Variants in TTC7B observed in about 807,000 individuals in gnomAD.
TTC7B encodes tetratricopeptide repeat domain 7B.
Under a neutral mutation model 106.8 loss-of-function variants are expected in TTC7B, and 28 were observed. The ratio of observed to expected loss-of-function variants is 0.26; its 90% CI spans 0.19 to 0.36. The LOEUF (loss-of-function observed/expected upper bound fraction) is 0.36, where lower values mean the gene tolerates loss of function less well. Ranked by LOEUF, TTC7B falls within the 10% of genes least tolerant of loss-of-function variation. The pLI is 1.00. For missense variants in TTC7B, 862 were observed against 1,076.4 expected (o/e 0.80, Z 2.79); for synonymous variants, 405 against 430.6 (o/e 0.94, Z 0.74).
chr14:90,787,273 T>C (rs1011001080), intron 1 of TTC7B, among the ~76,000 whole-genome samples: 19 of 152,302 alleles, frequency 1.2e-4, no homozygotes, highest in Non-Finnish European at 2.6e-4. Flanking sequence ...TTAATTCAAA[T>C]GAAAAGTTCA....
intron 2 of TTC7B, among the ~76,000 whole-genome samples, chr14:90,782,936 T>G (rs1891267421): frequency 6.6e-6 from 1 of 151,930 alleles, no homozygotes; most frequent in South Asian, 2.1e-4. Flanking sequence ...ATGTATATTT[T>G]ACCAAAAGGG....
chr14:90,601,842 G>C (rs754942485), intron 17 of TTC7B, among the ~76,000 whole-genome samples: 3 of 152,202 alleles, frequency 2.0e-5, no homozygotes, highest in Non-Finnish European at 4.4e-5. Context: ...GGTGTACATA[G>C]AATAACTATG....
intron 19 of TTC7B, among the ~76,000 whole-genome samples, chr14:90,557,153 A>AGGTGG (rs1890348572): frequency 6.6e-6 from 1 of 152,148 alleles, no homozygotes; most frequent in Non-Finnish European, 1.5e-5. Flanking sequence ...ACCTGTCCTC[A>AGGTGG]GGTGGGGTGG....
At chr14:90,633,691 C>A (rs1021566753) in intron 15 of TTC7B, among the ~76,000 whole-genome samples, 1 of 152,078 alleles carries the variant, frequency 6.6e-6, no homozygotes, top group Non-Finnish European at 1.5e-5. Context: ...TACCTTCTAC[C>A]TTTTTGGGCC....
Position 90,561,970 on chromosome 14 carries a change from C to T in TTC7B, c.2310+16136G>A, listed in dbSNP as rs546106377. Among the ~76,000 whole-genome samples, 17 of 152,342 alleles carry T rather than the reference C, an allele frequency of 1.1e-4. No individual in the cohort carries two copies. The East Asian group carries it at 2.5e-3, about 22-fold the overall frequency. On this transcript the variant is annotated intron_variant, in intron 19 of 19. Transcript: ENST00000328459. ...CCTCATTTCCCTCCTGCTCCCCAAA[C>T]GTGGGTGCTCCTTGGGTTCTGTCCT... is the stretch of plus-strand genomic sequence containing the variant.
chr14:90,681,056 T>C lies in TTC7B; in HGVS notation c.951-521A>G, dbSNP rs1273034588. On this transcript the variant is annotated intron_variant, in intron 7 of 19. Transcript: ENST00000328459. ...TTATTTAGACACATAAGTTTTATTA[T>C]GGGGTAGCATGCAAGAGCTCTTATT... Among the ~76,000 whole-genome samples the C allele has an allele frequency of 2.6e-5, 4 of 152,246 alleles. No individual in the cohort carries two copies. The East Asian group carries it at 5.8e-4, about 22-fold the overall frequency.
intron 16 of TTC7B, among the ~76,000 whole-genome samples, chr14:90,616,204 G>A (rs947484705): frequency 2.6e-5 from 4 of 152,136 alleles, no homozygotes; most frequent in Non-Finnish European, 4.4e-5. Context: ...CTCCGGCGCC[G>A]AGGCAACCTG....
chr14:90,605,786 T>G (rs2139835866), intron 17 of TTC7B: 1 of 1,208,188 alleles, frequency 8.3e-7, no homozygotes, highest in Non-Finnish European at 1.0e-6. Context: ...AAAAAAAGGG[T>G]GAAGGCAAAA....
chr14:90,810,947 G>T (rs185925110), intron 1 of TTC7B, among the ~76,000 whole-genome samples: 1 of 152,312 alleles, frequency 6.6e-6, no homozygotes, highest in Non-Finnish European at 1.5e-5. Flanking sequence ...GCCGAGGGAA[G>T]TCGGGGGAAT....
At chr14:90,559,898 T>A (rs1023746124) in intron 19 of TTC7B, among the ~76,000 whole-genome samples, 1 of 152,180 alleles carries the variant, frequency 6.6e-6, no homozygotes, top group Non-Finnish European at 1.5e-5. Context: ...AACAAGGGGC[T>A]CTTTTGCTCC....
At chr14:90,761,780 T>C (rs1349705331) in intron 3 of TTC7B, among the ~76,000 whole-genome samples, 1 of 152,156 alleles carries the variant, frequency 6.6e-6, no homozygotes, top group Non-Finnish European at 1.5e-5. Flanking sequence ...CACCTTCCCA[T>C]ACCAACTCCC....
intron 3 of TTC7B, among the ~76,000 whole-genome samples, chr14:90,763,631 T>C (rs1478585511): frequency 6.6e-6 from 1 of 152,046 alleles, no homozygotes; most frequent in Admixed American, 6.6e-5. Flanking sequence ...ACAAAAACAA[T>C]ATAATAGCTA....
At chr14:90,763,914 A>C (rs1037767446) in intron 3 of TTC7B, among the ~76,000 whole-genome samples, 1 of 152,230 alleles carries the variant, frequency 6.6e-6, no homozygotes, top group Admixed American at 6.5e-5. Flanking sequence ...TTCCCAAATC[A>C]ATCTACAGAT....
intron 5 of TTC7B, among the ~76,000 whole-genome samples, chr14:90,712,213 G>A (rs28871708): frequency 0.011 from 1,749 of 152,254 alleles, 25 homozygotes; most frequent in African/African-American, 0.041. Context: ...AAGACTGAAT[G>A]CTTTCTAAGA....
chr14:90,801,342 C>T (rs913825663), intron 1 of TTC7B, among the ~76,000 whole-genome samples: 1 of 152,070 alleles, frequency 6.6e-6, no homozygotes, highest in African/African-American at 2.4e-5. Context: ...ACCACTGACA[C>T]TTGAACTTCG....
rs908690080 is a variant in TTC7B, at chr14:90,805,555, C to T, written c.121+10620G>A. Among the ~76,000 whole-genome samples the T allele has an allele frequency of 6.6e-6, 1 of 152,148 alleles. No homozygotes were observed. Among genetic ancestry groups the T allele is most frequent in the African/African-American group, 2.4e-5 (1 of 41,424 alleles). ...TGCTGGGATTGCAGGCATGAGCCAC[C>T]GCGCCCGGCCTAAACCTCACCTCTA... On this transcript the variant is annotated intron_variant, in intron 1 of 19. Transcript: ENST00000328459. The surrounding 1 kb of genome is among the most constrained non-coding windows in gnomAD (Gnocchi z 4.0).
rs551262190 is a variant in TTC7B, at chr14:90,629,859, C to T, written c.1752-11814G>A. Among the ~76,000 whole-genome samples, 4 of 152,284 alleles carry T rather than the reference C, an allele frequency of 2.6e-5. No individual in the cohort carries two copies. In the South Asian group the frequency reaches 8.3e-4, roughly 32 times the overall value. The stretch of plus-strand genomic sequence containing the variant: ...AGCCAGTGCTCTCTCCTGTGGCTGA[C>T]AGGGAGGCTGGGATGCCCTGAAGGC... On this transcript the variant is annotated intron_variant, in intron 15 of 19. Transcript: ENST00000328459.
chr14:90,644,649 AT>A, intron 14 of TTC7B: 1 of 154,614 alleles, frequency 6.5e-6, no homozygotes, highest in Non-Finnish European at 1.4e-5. Context: ...AACTGTTCTC[AT>A]TTTTTCAAGT....
chr14:90,769,201 T>G (rs1003287695), intron 3 of TTC7B, among the ~76,000 whole-genome samples: 1 of 151,914 alleles, frequency 6.6e-6, no homozygotes, highest in Admixed American at 6.6e-5. Context: ...AATGAGAAAT[T>G]TAAATATTTC....
Sources: allele counts gnomAD v4.1 joint callset (sites outside exome capture counted in the v4.1 genomes callset), GRCh38; gene constraint gnomAD v4.1.1; non-coding constraint Gnocchi (gnomAD v3.1); transcripts MANE v1.5; gene names NCBI Gene and HGNC (gene_info 2026-07-23, HGNC 2026-07-21).